Variants in SV2B observed in about 807,000 individuals in gnomAD.
SV2B encodes the protein synaptic vesicle glycoprotein 2B, also known as solute carrier family 22 member B2.
Under a neutral mutation model 73.9 loss-of-function variants are expected in SV2B, and 41 were observed. That is an observed-to-expected ratio of 0.56 (90% CI 0.43 to 0.72). The LOEUF (loss-of-function observed/expected upper bound fraction) is 0.72, where lower values mean the gene tolerates loss of function less well. Ranked by LOEUF, SV2B falls within the 30% of genes least tolerant of loss-of-function variation. SV2B has a pLI of 0.00. For synonymous variants in SV2B, 314 were observed against 314.2 expected, an observed-to-expected ratio of 1.00 and a Z score of 0.01; for missense variants, 764 against 857.8, an observed-to-expected ratio of 0.89 and a Z score of 1.37.
chr15:91,187,171 A>G (rs947342367), intron 1 of SV2B, among the ~76,000 whole-genome samples: 1 of 152,206 alleles, frequency 6.6e-6, no homozygotes. Flanking sequence ...GTTTATTGGC[A>G]TTACATTTTG....
rs2049439476 is a variant in SV2B at position 91,301,387 on chromosome 15, A to G, written c.*8835A>G. On this transcript the variant is annotated 3_prime_UTR_variant, in exon 13 of 13. Transcript: ENST00000394232. This position sits in a 1 kb window ranked among gnomAD's most constrained non-coding sequence, Gnocchi z 4.3. ...TGTTTTTCCATCTGACTGTCACTGG[A>G]TAGTGGAATTGCTCTGATTACCGAT... The G allele has an allele frequency of 6.6e-6, 1 of 152,114 alleles. No individual in the cohort carries two copies. Among genetic ancestry groups the G allele is most frequent in the Admixed American group, 6.5e-5 (1 of 15,276 alleles). 9.4% of individuals were successfully genotyped at this position (152,114 alleles called of 1,614,324 possible).
chr15:91,176,224 A>AT (rs958981609), intron 1 of SV2B, among the ~76,000 whole-genome samples: 7 of 152,026 alleles, frequency 4.6e-5, no homozygotes, highest in Admixed American at 2.0e-4. Flanking sequence ...TGAACTCATC[A>AT]TTTTTTTATG....
chr15:91,226,293 TG>T lies in SV2B; in HGVS notation c.35del (p.Gly12AlafsTer69). The part of the protein sequence containing the change: MDDYKYQDNY[G>X]GYAPSDGYYR... ...ATGACTACAAGTATCAGGACAATTA[TG>T]GGGGCTATGCTCCCAGTGATGGCTA... On this transcript the variant is annotated frameshift_variant, in exon 2 of 13. Coordinates refer to ENST00000394232, the MANE Select transcript of SV2B (RefSeq NM_001323032.3). LOFTEE classifies it high-confidence loss of function. 6.2e-7 allele frequency: 1 copy of T among 1,614,142 alleles called. No individual in the cohort carries two copies. The highest frequency in any genetic ancestry group is 8.5e-7 in the Non-Finnish European group (1 of 1,180,020).
chr15:91,174,229 G>A (rs2044224233), intron 1 of SV2B, among the ~76,000 whole-genome samples: 1 of 152,230 alleles, frequency 6.6e-6, no homozygotes, highest in Admixed American at 6.5e-5. Context: ...GGTTAAGAAA[G>A]TTTGACTTGA....
chr15:91,278,966 G>A (rs1431913593), intron 9 of SV2B, among the ~76,000 whole-genome samples: 1 of 152,084 alleles, frequency 6.6e-6, no homozygotes, highest in Non-Finnish European at 1.5e-5. Context: ...CTTAAATGAC[G>A]ATGTAATTTA....
intron 4 of SV2B, among the ~76,000 whole-genome samples, chr15:91,256,818 T>A (rs2047711201): frequency 6.6e-6 from 1 of 152,170 alleles, no homozygotes; most frequent in African/African-American, 2.4e-5. Flanking sequence ...ACAAATAGTG[T>A]AGAAAATGTC....
intron 9 of SV2B, among the ~76,000 whole-genome samples, chr15:91,272,419 T>G (rs2048344704): frequency 6.6e-6 from 1 of 152,138 alleles, no homozygotes; most frequent in Non-Finnish European, 1.5e-5. Flanking sequence ...GAGAGCATTA[T>G]CTTATTTAAA....
chr15:91,262,572 C>G (rs2047947458), intron 6 of SV2B, among the ~76,000 whole-genome samples: 1 of 152,098 alleles, frequency 6.6e-6, no homozygotes, highest in Non-Finnish European at 1.5e-5. Context: ...GTATTAAGCC[C>G]AGCACCCAAT....
At chr15:91,160,287 AC>A (rs2043665166) in intron 1 of SV2B, among the ~76,000 whole-genome samples, 1 of 152,194 alleles carries the variant, frequency 6.6e-6, no homozygotes, top group African/African-American at 2.4e-5. Context: ...AAGAAGAATA[AC>A]GAAATGATAA....
intron 2 of SV2B, among the ~76,000 whole-genome samples, chr15:91,235,558 A>G (rs1329906765): frequency 6.6e-6 from 1 of 152,230 alleles, no homozygotes; most frequent in Non-Finnish European, 1.5e-5. Flanking sequence ...GGTTAAAAAA[A>G]AAATCTCTCG....
chr15:91,224,019 A>C lies in SV2B; in HGVS notation c.-391-1854A>C, dbSNP rs1046015169. ...CTTCACCCTGTAATGTTTGAGAACC[A>C]CTGGTTTCCATCCTCTCAGAAGGAA... On this transcript the variant is annotated intron_variant, in intron 1 of 12. Transcript: ENST00000394232. The surrounding 1 kb of genome is among the most constrained non-coding windows in gnomAD (Gnocchi z 4.9). Among the ~76,000 whole-genome samples, 1 of 152,176 alleles carries C rather than the reference A, an allele frequency of 6.6e-6. No homozygotes were observed. Among genetic ancestry groups the C allele is most frequent in the Admixed American group, 6.5e-5 (1 of 15,282 alleles).
chr15:91,225,044 G>A (rs1007178827), intron 1 of SV2B, among the ~76,000 whole-genome samples: 5 of 152,234 alleles, frequency 3.3e-5, no homozygotes, highest in Non-Finnish European at 5.9e-5. Context: ...GACCAGGCAC[G>A]ATTCTAAGTA....
chr15:91,108,009 T>C (rs2041936397), intron 1 of SV2B, among the ~76,000 whole-genome samples: 2 of 152,106 alleles, frequency 1.3e-5, no homozygotes, highest in Non-Finnish European at 2.9e-5. Context: ...TGGTGTGGTG[T>C]GGTGGTGGTG....
chr15:91,175,493 A>T (rs2044271349), intron 1 of SV2B, among the ~76,000 whole-genome samples: 1 of 152,084 alleles, frequency 6.6e-6, no homozygotes, highest in Non-Finnish European at 1.5e-5. Flanking sequence ...TGACCTCGTG[A>T]TCCGCCAGCC....
chr15:91,194,220 G>T (rs1047280087), intron 1 of SV2B, among the ~76,000 whole-genome samples: 10 of 152,014 alleles, frequency 6.6e-5, no homozygotes, highest in African/African-American at 1.2e-4. Context: ...CTCTGGCTCA[G>T]TGACTTGAGG....
Position 91,140,225 on chromosome 15 carries a change from C to G in SV2B, c.-392+39862C>G, listed in dbSNP as rs577780309. Reference sequence around the variant, plus strand: ...TATCACAATGCTCATTATTTTTCTTCAAAGTAATAGCAGCTAGGAACAAAG... The same window carrying G: ...TATCACAATGCTCATTATTTTTCTTGAAAGTAATAGCAGCTAGGAACAAAG... On this transcript the variant is annotated intron_variant, in intron 1 of 12. Transcript: ENST00000394232. The surrounding 1 kb of genome is among the most constrained non-coding windows in gnomAD (Gnocchi z 4.4). Among the ~76,000 whole-genome samples, 2 of 152,288 alleles carry G rather than the reference C, an allele frequency of 1.3e-5. No homozygotes were observed. The highest frequency in any genetic ancestry group is 4.8e-5 in the African/African-American group (2 of 41,568).
At chr15:91,135,784 A>G (rs1004870407) in intron 1 of SV2B, among the ~76,000 whole-genome samples, 10 of 152,190 alleles carry the variant, frequency 6.6e-5, no homozygotes, top group Non-Finnish European at 1.3e-4. Flanking sequence ...GTATGTGCCT[A>G]GTGTTAGAGA....
At chr15:91,173,984 T>C (rs1463944951) in intron 1 of SV2B, among the ~76,000 whole-genome samples, 1 of 152,222 alleles carries the variant, frequency 6.6e-6, no homozygotes, top group Non-Finnish European at 1.5e-5. Context: ...GCAACAGTAC[T>C]CAAATCAAGC....
Position 91,301,779 on chromosome 15 carries a change from C to T in SV2B, c.*9227C>T, listed in dbSNP as rs1244863553. On this transcript the variant is annotated 3_prime_UTR_variant, in exon 13 of 13. Transcript: ENST00000394232. The surrounding 1 kb of genome is among the most constrained non-coding windows in gnomAD (Gnocchi z 4.3). Reference sequence around the variant, plus strand: ...ATTGGCATTATACCTACCAGCTGAGCATCCCAAGTCTGCACATTTGATATC... The same window carrying T: ...ATTGGCATTATACCTACCAGCTGAGTATCCCAAGTCTGCACATTTGATATC... Among the ~76,000 whole-genome samples the T allele has an allele frequency of 6.6e-6, 1 of 152,204 alleles. No homozygotes were observed. Among genetic ancestry groups the T allele is most frequent in the Non-Finnish European group, 1.5e-5 (1 of 68,024 alleles).
Sources: gnomAD v4.1 joint callset for allele counts (sites outside exome capture counted in the v4.1 genomes callset) on GRCh38, gnomAD v4.1.1 for gene constraint, Gnocchi (gnomAD v3.1) non-coding constraint, MANE v1.5 for transcripts, NCBI Gene and HGNC (gene_info 2026-07-23, HGNC 2026-07-21) for gene names.